ZPBP: variants seen among roughly 807,000 people sequenced by gnomAD.
ZPBP encodes the protein zona pellucida-binding protein 1.
In ZPBP, 26 loss-of-function variants were observed where a neutral mutation model predicts 44.8. The observed-to-expected ratio is 0.58, with a 90% CI of 0.43 to 0.81. The LOEUF is 0.81. Ranked by LOEUF, ZPBP falls within the 30% of genes least tolerant of loss-of-function variation. The probability of loss-of-function intolerance (pLI) is 0.00; values close to 1 mark genes in which losing one functional copy is unlikely to be tolerated. For synonymous variants in ZPBP, 174 were observed against 153.2 expected (o/e 1.14, Z -1.00); for missense variants, 409 against 434.0 (o/e 0.94, Z 0.51).
At chr7:49,994,063 C>T (rs538104709) in intron 6 of ZPBP, among the ~76,000 whole-genome samples, 1 of 152,300 alleles carries the variant, frequency 6.6e-6, no homozygotes, top group East Asian at 1.9e-4. Flanking sequence ...TCATCATCTT[C>T]CCTAGTCACT....
rs116919511 is a variant in ZPBP at position 50,003,375 on chromosome 7, G to C, written c.783+14865C>G. The stretch of plus-strand genomic sequence containing the variant: ...GGCCAAGAAAAAGCTGCAATTAGAA[G>C]AGGAGAAAATGTCATTATATTTTGC... On this transcript the variant is annotated intron_variant, in intron 6 of 7. Coordinates refer to ENST00000046087, the MANE Select transcript of ZPBP (RefSeq NM_007009.3). 6.9e-3 allele frequency among the ~76,000 whole-genome samples: 1,049 copies of C among 152,240 alleles called. 4 individuals carry two copies. The highest frequency in any genetic ancestry group is 0.011 in the Non-Finnish European group (751 of 68,022).
chr7:49,862,285 A>G (rs1195468514), intron 2 of ZPBP, among the ~76,000 whole-genome samples: 1 of 150,874 alleles, frequency 6.6e-6, no homozygotes, highest in Non-Finnish European at 1.5e-5. Flanking sequence ...CATTGCCACT[A>G]TATAGAAAAA....
intron 3 of ZPBP, among the ~76,000 whole-genome samples, chr7:50,060,211 C>A (rs568965625): frequency 1.3e-5 from 2 of 150,828 alleles, no homozygotes; most frequent in East Asian, 3.9e-4. Context: ...GGAGTGTTGG[C>A]GGGGACAAGA....
At chr7:49,937,343 G>A, downstream of ZPBP, 1 of 553,564 alleles carries the variant, frequency 1.8e-6, no homozygotes, top group Middle Eastern at 5.0e-4. Flanking sequence ...TGTAGGTTTG[G>A]CATTAATGGA....
At chr7:50,017,441 G>A (rs1352370292) in intron 6 of ZPBP, among the ~76,000 whole-genome samples, 1 of 152,144 alleles carries the variant, frequency 6.6e-6, no homozygotes, top group Non-Finnish European at 1.5e-5. Flanking sequence ...ACCTCCTGCT[G>A]TATGGCCTGG....
intron 7 of ZPBP, among the ~76,000 whole-genome samples, chr7:49,937,865 C>A (rs1195830060): frequency 6.6e-6 from 1 of 152,206 alleles, no homozygotes; most frequent in Non-Finnish European, 1.5e-5. Flanking sequence ...AATCTACATA[C>A]CTCGTGTAAG....
chr7:49,962,957 G>C (rs929958312), intron 7 of ZPBP, among the ~76,000 whole-genome samples: 1 of 151,360 alleles, frequency 6.6e-6, no homozygotes, highest in African/African-American at 2.4e-5. Context: ...TTGAGAAAAT[G>C]AAGACAGAGC....
At position 50,058,050 on chromosome 7, in the gene ZPBP, G is replaced by C. The variant is rs199712637; in HGVS notation, c.426C>G (p.Leu142=). The C allele has an allele frequency of 6.2e-7, 1 of 1,613,152 alleles. No homozygotes were observed. Among genetic ancestry groups the C allele is most frequent in the African/African-American group, 1.3e-5 (1 of 74,844 alleles). ...TTTCTTCCACAGTAGGTTTATATTC[G>C]AGGAAACATGTATAAATTCCACTCA... ...ESMSGIYTCF[L]EYKPTVEEIV... Residue 142 remains leucine (L), a synonymous_variant, in exon 4 of 8, where the codon CTC becomes CTG. Transcript: ENST00000046087.
intron 7 of ZPBP, among the ~76,000 whole-genome samples, chr7:49,938,777 A>C (rs7805203): frequency 0.78 from 118,281 of 152,094 alleles, 46,163 homozygotes; most frequent in East Asian, 0.89. Flanking sequence ...ACATCTATGG[A>C]ATGTTTATTA....
intron 2 of ZPBP, among the ~76,000 whole-genome samples, chr7:49,883,670 G>A (rs1231492240): frequency 6.6e-6 from 1 of 152,056 alleles, no homozygotes. Context: ...AGAAAAAGAG[G>A]AAATTTCACC....
chr7:49,925,231 T>C (rs1438070937), intron 1 of ZPBP, among the ~76,000 whole-genome samples: 3 of 152,214 alleles, frequency 2.0e-5, no homozygotes, highest in Non-Finnish European at 2.9e-5. Flanking sequence ...TGGTGAGATA[T>C]AGTATGTACA....
intron 2 of ZPBP, among the ~76,000 whole-genome samples, chr7:49,878,524 T>C (rs1369823509): frequency 6.6e-6 from 1 of 152,184 alleles, no homozygotes; most frequent in Non-Finnish European, 1.5e-5. Context: ...ACTCTGAAGG[T>C]ATTTTTTCAC....
intron 3 of ZPBP, among the ~76,000 whole-genome samples, chr7:50,070,902 G>C (rs919263656): frequency 2.0e-5 from 3 of 152,106 alleles, no homozygotes; most frequent in Non-Finnish European, 2.9e-5. Flanking sequence ...AGAAAAACAG[G>C]GTCTTCACAA....
chr7:50,037,869 A>G (rs557986349), intron 4 of ZPBP, among the ~76,000 whole-genome samples: 63 of 152,264 alleles, frequency 4.1e-4, no homozygotes, highest in Non-Finnish European at 7.2e-4. Context: ...TTAATAGACT[A>G]TCTCCCAGGA....
chr7:50,003,036 A>G (rs1798162724), intron 6 of ZPBP, among the ~76,000 whole-genome samples: 1 of 152,192 alleles, frequency 6.6e-6, no homozygotes, highest in Non-Finnish European at 1.5e-5. Flanking sequence ...TACAGACACA[A>G]TTTGCTAATA....
At chr7:49,898,997 C>T (rs58816834) in intron 2 of ZPBP, among the ~76,000 whole-genome samples, 1 of 151,926 alleles carries the variant, frequency 6.6e-6, no homozygotes, top group African/African-American at 2.4e-5. Context: ...ATTAATTCAA[C>T]TATATTAACA....
intron 6 of ZPBP, among the ~76,000 whole-genome samples, chr7:49,987,133 C>G (rs923631201): frequency 1.3e-5 from 2 of 152,156 alleles, no homozygotes; most frequent in Non-Finnish European, 2.9e-5. Context: ...ATTTTCCTCT[C>G]TGAGCACCTG....
intron 6 of ZPBP, among the ~76,000 whole-genome samples, chr7:49,984,101 A>C (rs896058593): frequency 1.3e-5 from 2 of 152,170 alleles, no homozygotes; most frequent in African/African-American, 4.8e-5. Context: ...CTATGCATTC[A>C]AGTATGAGGT....
chr7:50,027,259 T>G (rs1222770774), intron 5 of ZPBP, among the ~76,000 whole-genome samples: 1 of 152,006 alleles, frequency 6.6e-6, no homozygotes, highest in Non-Finnish European at 1.5e-5. Flanking sequence ...ATCCTGGTGG[T>G]CATTTGGACT....
Sources: gnomAD v4.1 joint callset for allele counts (sites outside exome capture counted in the v4.1 genomes callset) on GRCh38, gnomAD v4.1.1 for gene constraint, MANE v1.5 for transcripts, NCBI Gene and HGNC (gene_info 2026-07-23, HGNC 2026-07-21) for gene names.